PDZD2: variants seen among roughly 807,000 people sequenced by gnomAD.
PDZD2 encodes the protein PDZ domain containing 2, also known as PDZ domain-containing protein 2.
In PDZD2, 90 loss-of-function variants were observed where a neutral mutation model predicts 220.7. That is an observed-to-expected ratio of 0.41 (90% CI 0.34 to 0.49). The LOEUF (loss-of-function observed/expected upper bound fraction) is 0.49, where lower values mean the gene tolerates loss of function less well. Ranked by LOEUF, PDZD2 falls within the 20% of genes least tolerant of loss-of-function variation. The probability of loss-of-function intolerance (pLI) is 0.28; values close to 1 mark genes in which losing one functional copy is unlikely to be tolerated. For synonymous variants in PDZD2, 1,375 were observed against 1,450.5 expected (o/e 0.95, Z 1.18); for missense variants, 3,174 against 3,608.5 (o/e 0.88, Z 3.08).
intron 2 of PDZD2, among the ~76,000 whole-genome samples, chr5:31,852,888 C>T (rs770927377): frequency 4.6e-5 from 7 of 152,272 alleles, no homozygotes; most frequent in South Asian, 2.1e-4. Flanking sequence ...TGAGCCACTG[C>T]GCCTGGCCCA....
At chr5:31,824,684 GA>G (rs61458710) in intron 2 of PDZD2, among the ~76,000 whole-genome samples, 29,659 of 139,980 alleles carry the variant, frequency 0.21, 3,088 homozygotes, top group African/African-American at 0.28. Context: ...TGTCTAACCT[GA>G]AAAAAAAAAA....
At chr5:31,748,402 G>T (rs1750730257) in intron 1 of PDZD2, among the ~76,000 whole-genome samples, 1 of 152,192 alleles carries the variant, frequency 6.6e-6, no homozygotes, top group Admixed American at 6.5e-5. Flanking sequence ...CTGTAAAGTG[G>T]CTGGGGGAAC....
At chr5:31,975,917 C>G (rs1254430978) in intron 2 of PDZD2, among the ~76,000 whole-genome samples, 2 of 150,548 alleles carry the variant, frequency 1.3e-5, no homozygotes, top group Non-Finnish European at 3.0e-5. Flanking sequence ...GATCTTCCCG[C>G]CTCAGGCTCC....
At chr5:32,040,133 G>A (rs1285491341) in intron 7 of PDZD2, among the ~76,000 whole-genome samples, 1 of 148,584 alleles carries the variant, frequency 6.7e-6, no homozygotes, top group Non-Finnish European at 1.5e-5. Context: ...CTGCCTGGCC[G>A]CCCAGTCTAG....
Position 31,741,192 on chromosome 5 carries a change from T to TACAC in PDZD2, c.-360-57672_-360-57669dup, listed in dbSNP as rs3032908. 6.0e-3 allele frequency among the ~76,000 whole-genome samples: 906 copies of TACAC among 150,498 alleles called. 13 individuals are homozygous for TACAC. The highest frequency in any genetic ancestry group is 0.016 in the African/African-American group (644 of 41,078). ...TAGTCAGATCTTGTACAATAGTGTG[T>TACAC]ACACACACACACACACACACACACA... On this transcript the variant is annotated intron_variant, in intron 1 of 24. Coordinates refer to ENST00000438447, the MANE Select transcript of PDZD2 (RefSeq NM_178140.4).
At chr5:31,808,911 G>A (rs1037815944) in intron 2 of PDZD2, among the ~76,000 whole-genome samples, 2 of 150,946 alleles carry the variant, frequency 1.3e-5, no homozygotes, top group Admixed American at 6.6e-5. Flanking sequence ...ACTGGGAGGC[G>A]GAGGTTGCAG....
Position 31,726,009 on chromosome 5 carries a change from A to G in PDZD2, c.-360-72880A>G, listed in dbSNP as rs879059330. 22 of 434,840 alleles carry G rather than the reference A, an allele frequency of 5.1e-5. No homozygotes were observed. In the South Asian group the frequency reaches 5.9e-4, roughly 12 times the overall value. The allele number at this position is 434,840 out of a possible 1,614,324, so 26.9% of individuals were successfully genotyped here. A position where few individuals can be genotyped will look rare whatever the true frequency, so the allele number is the denominator to read the frequency against. Reference sequence around the variant, plus strand: ...ACTCCTGGGTCTTCCCTGCAGATGCATAATGGAGTAGAAAGCGTGCTGAAC... The same window carrying G: ...ACTCCTGGGTCTTCCCTGCAGATGCGTAATGGAGTAGAAAGCGTGCTGAAC... On this transcript the variant is annotated intron_variant, in intron 1 of 24. Transcript: ENST00000438447.
intron 8 of PDZD2, among the ~76,000 whole-genome samples, chr5:32,049,068 C>T (rs1460451693): frequency 3.3e-5 from 5 of 151,982 alleles, no homozygotes; most frequent in Non-Finnish European, 7.4e-5. Context: ...AGGGAGTGTG[C>T]GTGTGTGCCT....
At chr5:31,905,437 G>T (rs550317208) in intron 2 of PDZD2, among the ~76,000 whole-genome samples, 1 of 152,176 alleles carries the variant, frequency 6.6e-6, no homozygotes, top group Non-Finnish European at 1.5e-5. Context: ...TGAGGATGCT[G>T]GGGTTGCTTT....
intron 2 of PDZD2, among the ~76,000 whole-genome samples, chr5:31,891,487 G>C (rs142496391): frequency 6.6e-6 from 1 of 151,962 alleles, no homozygotes; most frequent in Non-Finnish European, 1.5e-5. Flanking sequence ...AGCTAATTTT[G>C]TATTTTTAGT....
chr5:31,669,967 C>T (rs73751821), intron 1 of PDZD2, among the ~76,000 whole-genome samples: 159 of 152,306 alleles, frequency 1.0e-3, no homozygotes, highest in African/African-American at 3.5e-3. Flanking sequence ...ATCCTCTCCA[C>T]GACCCTGCAA....
intron 9 of PDZD2, 149 bp from the exon 10 acceptor site, chr5:32,053,620 C>T: frequency 1.7e-6 from 1 of 602,610 alleles, no homozygotes; most frequent in South Asian, 2.0e-5. Flanking sequence ...CAGCTAGTTG[C>T]TTAGTTTAAC....
chr5:31,869,606 C>T (rs1322598072), intron 2 of PDZD2, among the ~76,000 whole-genome samples: 1 of 152,108 alleles, frequency 6.6e-6, no homozygotes, highest in Non-Finnish European at 1.5e-5. Flanking sequence ...GTATTGACTG[C>T]GATGAGCACC....
chr5:31,863,571 A>C (rs1364369998), intron 2 of PDZD2, among the ~76,000 whole-genome samples: 1 of 152,226 alleles, frequency 6.6e-6, no homozygotes, highest in Non-Finnish European at 1.5e-5. Context: ...TGTAAGTGGA[A>C]AAATGCATTA....
intron 1 of PDZD2, among the ~76,000 whole-genome samples, chr5:31,669,288 G>A (rs1289084488): frequency 6.6e-6 from 1 of 151,704 alleles, no homozygotes; most frequent in Non-Finnish European, 1.5e-5. Flanking sequence ...TGTAGTCCCA[G>A]CCACTTGGGA....
At chr5:31,674,140 C>G (rs1168197492) in intron 1 of PDZD2, among the ~76,000 whole-genome samples, 1 of 152,170 alleles carries the variant, frequency 6.6e-6, no homozygotes, top group African/African-American at 2.4e-5. Context: ...TGATAAGCCA[C>G]CCAGTCTACA....
At position 31,846,830 on chromosome 5, in the gene PDZD2, C is replaced by T. The variant is rs974254582; in HGVS notation, c.476+47106C>T. Among the ~76,000 whole-genome samples the T allele has an allele frequency of 4.6e-5, 7 of 152,324 alleles. No individual in the cohort carries two copies. The South Asian group carries it at 1.2e-3, about 27-fold the overall frequency. On this transcript the variant is annotated intron_variant, in intron 2 of 24. Coordinates refer to ENST00000438447, the MANE Select transcript of PDZD2 (RefSeq NM_178140.4). ...ATTTCCGCTTTCTTCCTTTCTTCAG[C>T]TTTTTACAGCTGCATAAGGTTTAGA...
chr5:31,827,686 T>A (rs1756307089), intron 2 of PDZD2, among the ~76,000 whole-genome samples: 1 of 116,272 alleles, frequency 8.6e-6, no homozygotes, highest in African/African-American at 3.7e-5. Context: ...AGCAAGACTC[T>A]GTCTCAAAAA....
intron 6 of PDZD2, among the ~76,000 whole-genome samples, chr5:32,035,532 G>T (rs10940995): frequency 0.59 from 89,483 of 151,382 alleles, 26,631 homozygotes; most frequent in South Asian, 0.63. Flanking sequence ...AGGGTCTTGC[G>T]ATGTTGCCCA....
Sources: allele counts gnomAD v4.1 joint callset (sites outside exome capture counted in the v4.1 genomes callset), GRCh38; gene constraint gnomAD v4.1.1; transcripts MANE v1.5; gene names NCBI Gene and HGNC (gene_info 2026-07-23, HGNC 2026-07-21).